The following DNAAF11 variants were observed in gnomAD, a reference collection of about 807,000 sequenced individuals.
DNAAF11 encodes dynein axonemal assembly factor 11.
Under a neutral mutation model 60.8 loss-of-function variants are expected in DNAAF11, and 45 were observed. The observed-to-expected ratio is 0.74, with a 90% CI of 0.58 to 0.95. The LOEUF (loss-of-function observed/expected upper bound fraction) is 0.95. DNAAF11 is among the 40% of genes least tolerant of loss of function. The pLI is 0.00. For synonymous variants in DNAAF11, 191 were observed against 183.5 expected (o/e 1.04, Z -0.33); for missense variants, 546 against 546.2 (o/e 1.00, Z 0.00).
In DNAAF11 at chr8:132,638,116, A is replaced by G; in HGVS notation, c.257-9T>C. On this transcript the variant is annotated splice_polypyrimidine_tract_variant and intron_variant, in intron 3 of 11. Coordinates refer to ENST00000620350, the MANE Select transcript of DNAAF11 (RefSeq NM_012472.6). ...TGCCAGCTCTTCACATCCTGTTGAGAAAAATAAAGTGAAAACAAAGCAAAC... is the reference window on the plus strand; with the variant it reads ...TGCCAGCTCTTCACATCCTGTTGAGGAAAATAAAGTGAAAACAAAGCAAAC... The G allele has an allele frequency of 6.2e-7, 1 of 1,609,618 alleles. No homozygotes were observed. The highest frequency in any genetic ancestry group is 1.7e-4 in the Middle Eastern group (1 of 6,032).
the DNAAF11 span, among the ~76,000 whole-genome samples, chr8:132,698,192 T>C: frequency 3.3e-5 from 5 of 152,144 alleles, no homozygotes; most frequent in African/African-American, 1.2e-4. Flanking sequence ...GTTCTGAGCA[T>C]GAGACTAGAG....
chr8:132,634,085 TA>T (rs1361613442), intron 4 of DNAAF11, among the ~76,000 whole-genome samples: 2 of 152,040 alleles, frequency 1.3e-5, no homozygotes, highest in African/African-American at 4.8e-5. Flanking sequence ...AAATATAAAT[TA>T]AAAAATTATT....
rs900985379 is a variant in DNAAF11 at position 132,573,115 on chromosome 8, C to CAGATAT, written c.1227-641_1227-636dup. Among the ~76,000 whole-genome samples, 911 of 151,888 alleles carry CAGATAT rather than the reference C, an allele frequency of 6.0e-3. 2 individuals carry two copies. The highest frequency in any genetic ancestry group is 9.2e-3 in the Non-Finnish European group (624 of 67,940). On this transcript the variant is annotated intron_variant, in intron 11 of 11. Coordinates refer to ENST00000620350, the MANE Select transcript of DNAAF11 (RefSeq NM_012472.6). ...TCAGATATAGATATAGATATAGATA[C>CAGATAT]AGATATAGATATAGATATAGATATA...
chr8:132,675,541 A>G lies in DNAAF11; in HGVS notation c.-48T>C, dbSNP rs762407278. 3 of 1,550,876 alleles carry G rather than the reference A, an allele frequency of 1.9e-6. No individual in the cohort carries two copies. Among genetic ancestry groups the G allele is most frequent in the Non-Finnish European group, 2.6e-6 (3 of 1,143,388 alleles). On this transcript the variant is annotated 5_prime_UTR_variant, in exon 1 of 12. Coordinates refer to ENST00000620350, the MANE Select transcript of DNAAF11 (RefSeq NM_012472.6). ...CCCGCAAGCCGGACCCGGACCTCGA[A>G]TGACGCTTTTCACCCTTCACCCCTG...
intron 3 of DNAAF11, among the ~76,000 whole-genome samples, chr8:132,655,906 T>G (rs1469077621): frequency 6.7e-6 from 1 of 149,380 alleles, no homozygotes; most frequent in South Asian, 2.1e-4. Context: ...ACTATCAGTA[T>G]AAGTACAAAT....
chr8:132,688,102 C>G, the DNAAF11 span, among the ~76,000 whole-genome samples: 2 of 152,092 alleles, frequency 1.3e-5, no homozygotes, highest in African/African-American at 4.8e-5. Context: ...TCAAATGCTG[C>G]GATAACAGCA....
chr8:132,573,098 A>G (rs1362873764), intron 11 of DNAAF11, among the ~76,000 whole-genome samples: 1 of 151,960 alleles, frequency 6.6e-6, no homozygotes, highest in Non-Finnish European at 1.5e-5. Flanking sequence ...GGTCAGATAT[A>G]GATATAGATA....
intron 2 of DNAAF11, 129 bp downstream of exon 2, chr8:132,661,331 G>C: frequency 1.4e-6 from 1 of 732,078 alleles, no homozygotes; most frequent in Non-Finnish European, 2.2e-6. Context: ...ACCACTGAGA[G>C]ATGGCTGTGT....
At position 132,578,833 on chromosome 8, in the gene DNAAF11, G is replaced by A. The variant is rs1010801094; in HGVS notation, c.1226+4861C>T. Among the ~76,000 whole-genome samples, 10 of 152,328 alleles carry A rather than the reference G, an allele frequency of 6.6e-5. No individual in the cohort carries two copies. The East Asian group carries it at 1.9e-3, about 29-fold the overall frequency. On this transcript the variant is annotated intron_variant, in intron 11 of 11. Transcript: ENST00000620350. ...GTCACCTTTGCCCTGAGAGCACTTG[G>A]GGAGCCCTTGAAGTTGTGCTTTGGT...
chr8:132,583,685 G>A lies in DNAAF11; in HGVS notation c.1226+9C>T, dbSNP rs1312028352. On this transcript the variant is annotated intron_variant, in intron 11 of 11. Transcript: ENST00000620350. ...TAATACAGCTAAGGACAGTCTGGGA[G>A]GGTGGTACCTTGTATTTGTTTGTTC... is the stretch of plus-strand genomic sequence containing the variant. 3.1e-6 allele frequency: 5 copies of A among 1,609,018 alleles called. No individual in the cohort carries two copies. In the South Asian group the frequency reaches 4.4e-5, roughly 14 times the overall value.
intron 10 of DNAAF11, among the ~76,000 whole-genome samples, chr8:132,602,336 C>T (rs921412442): frequency 6.6e-6 from 1 of 152,100 alleles, no homozygotes; most frequent in Non-Finnish European, 1.5e-5. Context: ...TCCTCAGGAG[C>T]TGGTGCACAA....
chr8:132,623,677 A>G (rs1045262272), intron 6 of DNAAF11, among the ~76,000 whole-genome samples: 1 of 152,166 alleles, frequency 6.6e-6, no homozygotes, highest in Non-Finnish European at 1.5e-5. Context: ...TCTTTGCCTT[A>G]AATTTCTATT....
At chr8:132,639,513 A>G (rs1000889150) in intron 3 of DNAAF11, among the ~76,000 whole-genome samples, 3 of 152,206 alleles carry the variant, frequency 2.0e-5, no homozygotes, top group African/African-American at 7.2e-5. Context: ...AACGTCACCA[A>G]TATGAATTTG....
At chr8:132,632,086 G>A (rs1820859947) in intron 5 of DNAAF11, among the ~76,000 whole-genome samples, 1 of 150,796 alleles carries the variant, frequency 6.6e-6, no homozygotes, top group African/African-American at 2.4e-5. Context: ...AAATCTAGGT[G>A]GTAGAACTAC....
chr8:132,629,059 T>A (rs1820549672), intron 5 of DNAAF11, among the ~76,000 whole-genome samples: 1 of 152,200 alleles, frequency 6.6e-6, no homozygotes, highest in Non-Finnish European at 1.5e-5. Context: ...ACAAAGGATG[T>A]TTATCCTAGA....
chr8:132,669,323 G>A (rs1351119202), intron 1 of DNAAF11, among the ~76,000 whole-genome samples: 1 of 152,160 alleles, frequency 6.6e-6, no homozygotes, highest in African/African-American at 2.4e-5. Context: ...ACAGTGGCAA[G>A]GACACTGTTA....
Position 132,632,912 on chromosome 8 carries a change from C to A in DNAAF11, c.481G>T (p.Asp161Tyr), listed in dbSNP as rs1056908657. 3 of 1,613,720 alleles carry A rather than the reference C, an allele frequency of 1.9e-6. No homozygotes were observed. Among genetic ancestry groups the A allele is most frequent in the African/African-American group, 2.7e-5 (2 of 74,888 alleles). ...EPSERIKALQ[D>Y]YSVIEPQIRE... ...ATTTGTGGTTCAATTACTGAATAGTCCTGCAATGCCTTAATCCTTTCTGAA... is the reference window on the plus strand; with the variant it reads ...ATTTGTGGTTCAATTACTGAATAGTACTGCAATGCCTTAATCCTTTCTGAA... Residue 161 changes from aspartate to tyrosine, a missense_variant, in exon 5 of 12, where the codon GAC becomes TAC. Transcript: ENST00000620350.
the DNAAF11 span, among the ~76,000 whole-genome samples, chr8:132,697,210 T>C: frequency 4.6e-5 from 7 of 152,298 alleles, no homozygotes; most frequent in Admixed American, 3.9e-4. Flanking sequence ...AGGGATCTTT[T>C]TGGGGGTGAT....
chr8:132,589,418 C>T (rs148208718), intron 10 of DNAAF11, among the ~76,000 whole-genome samples: 1 of 152,282 alleles, frequency 6.6e-6, no homozygotes, highest in African/African-American at 2.4e-5. Flanking sequence ...CACACAGTTA[C>T]TCACCTCAGC....
Sources: allele counts gnomAD v4.1 joint callset (sites outside exome capture counted in the v4.1 genomes callset), GRCh38; gene constraint gnomAD v4.1.1; transcripts MANE v1.5; gene names NCBI Gene and HGNC (gene_info 2026-07-23, HGNC 2026-07-21).